Variants in CDKL3 observed in about 807,000 individuals in gnomAD.
The protein encoded by CDKL3 is cyclin-dependent kinase-like 3.
Under a neutral mutation model 69.3 loss-of-function variants are expected in CDKL3, and 65 were observed. The observed-to-expected ratio is 0.94, with a 90% confidence interval of 0.77 to 1.15. CDKL3 has a LOEUF of 1.15. Ranked by LOEUF, CDKL3 falls within the 50% of genes most tolerant of loss-of-function variation. The pLI, the probability that CDKL3 is intolerant of heterozygous loss-of-function variation, is 0.00. For missense variants in CDKL3, 652 were observed against 689.2 expected (o/e 0.95, Z 0.61); for synonymous variants, 202 against 221.6 (o/e 0.91, Z 0.79).
At chr5:134,347,061 G>A (rs1752076446) in intron 4 of CDKL3, among the ~76,000 whole-genome samples, 1 of 152,050 alleles carries the variant, frequency 6.6e-6, no homozygotes, top group African/African-American at 2.4e-5. Context: ...AAAAAGAGAT[G>A]ATAAAGTTAA....
At chr5:134,330,192 T>C (rs1028677768) in intron 4 of CDKL3, among the ~76,000 whole-genome samples, 9 of 152,180 alleles carry the variant, frequency 5.9e-5, no homozygotes, top group Non-Finnish European at 1.2e-4. Flanking sequence ...TAGTCCTTTT[T>C]ACATTGTTAA....
upstream of CDKL3, chr5:134,367,368 C>CTTTTTTTTTTTTTTTTTT (rs57811547): frequency 3.0e-6 from 2 of 671,792 alleles, no homozygotes. Context: ...GGATCTGCAT[C>CTTTTTTTTTTTTTTTTTT]TTTTTTTTTT....
In CDKL3 at chr5:134,361,866, C is replaced by T. The variant is rs192194023; in HGVS notation, c.166-1775G>A. Among the ~76,000 whole-genome samples, 553 of 152,196 alleles carry T rather than the reference C, an allele frequency of 3.6e-3. 2 individuals carry two copies. Among genetic ancestry groups the T allele is most frequent in the African/African-American group, 0.013 (524 of 41,542 alleles). On this transcript the variant is annotated intron_variant, in intron 2 of 12. Coordinates refer to ENST00000265334, the MANE Select transcript of CDKL3 (RefSeq NM_001113575.2). ...TTGCAGTGAGCCGAGATTGTGCCATCGCACTCCAGCCGGGGTGACAAGAGT... is the reference window on the plus strand; with the variant it reads ...TTGCAGTGAGCCGAGATTGTGCCATTGCACTCCAGCCGGGGTGACAAGAGT...
intron 4 of CDKL3, among the ~76,000 whole-genome samples, chr5:134,323,937 C>T (rs1043048655): frequency 5.3e-5 from 8 of 151,792 alleles, no homozygotes; most frequent in African/African-American, 1.2e-4. Context: ...CCACAAACTG[C>T]GAGAAAATAT....
At chr5:134,283,902 G>A (rs934925321), downstream of CDKL3, among the ~76,000 whole-genome samples, 12 of 152,298 alleles carry the variant, frequency 7.9e-5, no homozygotes, top group South Asian at 2.1e-4. Flanking sequence ...AGACATTGGC[G>A]AAAACAAAGG....
intron 2 of CDKL3, among the ~76,000 whole-genome samples, chr5:134,360,952 T>C (rs1181814411): frequency 6.6e-6 from 1 of 152,220 alleles, no homozygotes; most frequent in Non-Finnish European, 1.5e-5. Context: ...TACCAATTTA[T>C]AACCACAGAA....
chr5:134,356,263 CT>C (rs1754584070), intron 3 of CDKL3, among the ~76,000 whole-genome samples: 1 of 152,152 alleles, frequency 6.6e-6, no homozygotes, highest in South Asian at 2.1e-4. Flanking sequence ...AATTTAATGC[CT>C]CTGCTGATCT....
At chr5:134,355,676 A>AATGT (rs113121512) in intron 3 of CDKL3, among the ~76,000 whole-genome samples, 22,613 of 152,116 alleles carry the variant, frequency 0.15, 2,105 homozygotes, top group African/African-American at 0.26. Context: ...CCATTTAACA[A>AATGT]ATTATGCATG....
chr5:134,306,555 A>C (rs1006711172), intron 10 of CDKL3, 54 bp downstream of exon 10: 1 of 1,053,940 alleles, frequency 9.5e-7, no homozygotes, highest in Non-Finnish European at 1.4e-6. Context: ...AGAAAAGGAA[A>C]AAAGAAGTAA....
At chr5:134,310,309 C>T (rs1226761675) in intron 7 of CDKL3, among the ~76,000 whole-genome samples, 11 of 152,032 alleles carry the variant, frequency 7.2e-5, no homozygotes, top group Admixed American at 7.2e-4. Context: ...CCTCAACCTC[C>T]TGAGTAGCTG....
At chr5:134,294,226 T>C (rs1765247853), downstream of CDKL3, among the ~76,000 whole-genome samples, 1 of 152,192 alleles carries the variant, frequency 6.6e-6, no homozygotes. Context: ...TCAATTAATA[T>C]AATTCACATT....
chr5:134,284,533 A>C (rs912135232), downstream of CDKL3, among the ~76,000 whole-genome samples: 2 of 152,168 alleles, frequency 1.3e-5, no homozygotes, highest in South Asian at 4.1e-4. Flanking sequence ...TCTTAACAGG[A>C]AAGAGGGTTC....
At chr5:134,362,732 C>G (rs543602175) in intron 2 of CDKL3, among the ~76,000 whole-genome samples, 1 of 152,214 alleles carries the variant, frequency 6.6e-6, no homozygotes, top group East Asian at 1.9e-4. Flanking sequence ...AGTTCTAAAT[C>G]AGCCTGGGCA....
downstream of CDKL3, among the ~76,000 whole-genome samples, chr5:134,296,596 T>C (rs1053129222): frequency 6.6e-6 from 1 of 152,182 alleles, no homozygotes; most frequent in Non-Finnish European, 1.5e-5. Flanking sequence ...AAAGACAGTT[T>C]GTGCAGCCTC....
At chr5:134,326,825 A>ATG (rs1554090742) in intron 4 of CDKL3, among the ~76,000 whole-genome samples, 1 of 104,184 alleles carries the variant, frequency 9.6e-6, no homozygotes, top group Non-Finnish European at 1.7e-5. Flanking sequence ...GTGTATATAT[A>ATG]TATATATATA....
intron 4 of CDKL3, among the ~76,000 whole-genome samples, chr5:134,347,514 G>A (rs565124159): frequency 6.6e-6 from 1 of 151,958 alleles, no homozygotes; most frequent in East Asian, 1.9e-4. Context: ...TCCATCAGTT[G>A]ATGAATGGGT....
chr5:134,337,356 G>A (rs762852609), intron 4 of CDKL3, among the ~76,000 whole-genome samples: 4 of 152,152 alleles, frequency 2.6e-5, no homozygotes, highest in African/African-American at 9.7e-5. Flanking sequence ...TCTGTGGGCC[G>A]TACCCACTGT....
At chr5:134,297,401 C>T (rs961983290), downstream of CDKL3, among the ~76,000 whole-genome samples, 10 of 152,164 alleles carry the variant, frequency 6.6e-5, no homozygotes, top group East Asian at 1.7e-3. Context: ...CCTCAGATCA[C>T]AGATAAAACA....
At position 134,361,459 on chromosome 5, in the gene CDKL3, T is replaced by C. The variant is rs556270574; in HGVS notation, c.166-1368A>G. Among the ~76,000 whole-genome samples, 5 of 152,310 alleles carry C rather than the reference T, an allele frequency of 3.3e-5. No homozygotes were observed. In the South Asian group the frequency reaches 6.2e-4, roughly 19 times the overall value. On this transcript the variant is annotated intron_variant, in intron 2 of 12. Coordinates refer to ENST00000265334, the MANE Select transcript of CDKL3 (RefSeq NM_001113575.2). ...CACAGTGTCAATTTTTCTACTTCTC[T>C]GTAACTAACGAAGAGACTAAAGTCC...
Sources: allele counts gnomAD v4.1 joint callset (sites outside exome capture counted in the v4.1 genomes callset), GRCh38; gene constraint gnomAD v4.1.1; transcripts MANE v1.5; gene names NCBI Gene and HGNC (gene_info 2026-07-23, HGNC 2026-07-21).